Variants in PLS1 observed in about 807,000 individuals in gnomAD.
PLS1 encodes the protein plastin 1.
In PLS1, 32 loss-of-function variants were observed where a neutral mutation model predicts 73.7. That is an observed-to-expected ratio of 0.43 (90% CI 0.33 to 0.58). The LOEUF is 0.58. Ranked by LOEUF, PLS1 falls within the 20% of genes least tolerant of loss-of-function variation. The pLI is 0.04. For missense variants in PLS1, 633 were observed against 740.5 expected (o/e 0.85, Z 1.68); for synonymous variants, 217 against 261.3 (o/e 0.83, Z 1.63).
intron 1 of PLS1, among the ~76,000 whole-genome samples, chr3:142,601,455 A>G (rs907148449): frequency 6.6e-6 from 1 of 152,150 alleles, no homozygotes; most frequent in African/African-American, 2.4e-5. Flanking sequence ...CAGGCACTAT[A>G]CTAAATACAA....
At chr3:142,648,094 GC>G (rs1427922749) in intron 1 of PLS1, among the ~76,000 whole-genome samples, 5 of 152,160 alleles carry the variant, frequency 3.3e-5, no homozygotes, top group Admixed American at 1.3e-4. Context: ...CCATTTGATT[GC>G]CTCCAACACT....
chr3:142,631,664 GAAAAAAAAAAA>G (rs71153981), intron 1 of PLS1, among the ~76,000 whole-genome samples: 50 of 39,450 alleles, frequency 1.3e-3, no homozygotes, highest in South Asian at 3.0e-3. Flanking sequence ...CCTGTCTCTA[GAAAAAAAAAAA>G]AAAAAAAAAA....
chr3:142,618,487 T>A (rs958932718), intron 1 of PLS1, among the ~76,000 whole-genome samples: 1 of 152,214 alleles, frequency 6.6e-6, no homozygotes, highest in Admixed American at 6.5e-5. Context: ...CAGGCTAAAG[T>A]CAACACAGCA....
chr3:142,613,419 G>A (rs985648552), intron 1 of PLS1, among the ~76,000 whole-genome samples: 1 of 152,028 alleles, frequency 6.6e-6, no homozygotes, highest in African/African-American at 2.4e-5. Flanking sequence ...GGAGGTTGCA[G>A]TGAACTGAGA....
chr3:142,667,148 G>A (rs535569537), intron 2 of PLS1, among the ~76,000 whole-genome samples: 25 of 152,312 alleles, frequency 1.6e-4, no homozygotes, highest in African/African-American at 6.0e-4. Flanking sequence ...CGGGTGCGGT[G>A]GCTCACGCCT....
chr3:142,675,518 G>C (rs1185858406), intron 4 of PLS1, among the ~76,000 whole-genome samples: 1 of 152,080 alleles, frequency 6.6e-6, no homozygotes, highest in Non-Finnish European at 1.5e-5. Context: ...AAGTAGCTGG[G>C]ATTACAGGCC....
chr3:142,653,245 T>C (rs1199784970), intron 1 of PLS1, among the ~76,000 whole-genome samples: 1 of 152,224 alleles, frequency 6.6e-6, no homozygotes, highest in East Asian at 1.9e-4. Flanking sequence ...TCTTGTTTTC[T>C]TTTAAACGCA....
rs10631186 is a variant in PLS1, at chr3:142,704,635, A to ATTTTTTTTTTTTT, written c.1629+67_1629+79dup. ...TTTTTTTTTGTAGGTATAGGAAGGA[A>ATTTTTTTTTTTTT]TTTTTTTTTTTTTTTTTTTTTTTTT... is the stretch of plus-strand genomic sequence containing the variant. On this transcript the variant is annotated intron_variant, in intron 14 of 15. Transcript: ENST00000457734. 17 of 261,986 alleles carry ATTTTTTTTTTTTT rather than the reference A, an allele frequency of 6.5e-5. 1 individual carries two copies. Among genetic ancestry groups the ATTTTTTTTTTTTT allele is most frequent in the African/African-American group, 5.8e-4 (12 of 20,662 alleles). The allele number at this position is 261,986 out of a possible 1,614,324, so 16.2% of individuals were successfully genotyped here.
chr3:142,640,578 A>T (rs1383221142), intron 1 of PLS1, among the ~76,000 whole-genome samples: 1 of 152,168 alleles, frequency 6.6e-6, no homozygotes, highest in Admixed American at 6.5e-5. Context: ...ATCTGGAATG[A>T]TTACCAAGAC....
At chr3:142,690,100 G>C (rs1183376091) in intron 10 of PLS1, among the ~76,000 whole-genome samples, 1 of 152,090 alleles carries the variant, frequency 6.6e-6, no homozygotes, top group African/African-American at 2.4e-5. Flanking sequence ...CATGGACAAT[G>C]AATTATCTAT....
intron 1 of PLS1, among the ~76,000 whole-genome samples, chr3:142,641,820 G>C (rs1253242979): frequency 6.6e-6 from 1 of 152,086 alleles, no homozygotes; most frequent in Non-Finnish European, 1.5e-5. Flanking sequence ...ACCTAGGGCA[G>C]CTTTGGGGTT....
Position 142,694,545 on chromosome 3 carries a change from C to T in PLS1, c.1254C>T (p.Tyr418=), listed in dbSNP as rs1203653659. Residue 418 remains tyrosine, a splice_region_variant and synonymous_variant, in exon 11 of 16, where the codon TAC becomes TAT. Coordinates refer to ENST00000457734, the MANE Select transcript of PLS1 (RefSeq NM_001145319.2). ...LGVNPYINHL[Y]SDLADALVIF... The stretch of plus-strand genomic sequence containing the variant: ...TCAACCCATACATTAATCATTTGTA[C>T]AGGTAAATATTTTATTGTGCTTCAG... 6.4e-7 allele frequency: 1 copy of T among 1,555,658 alleles called. No individual in the cohort carries two copies. The highest frequency in any genetic ancestry group is 8.9e-7 in the Non-Finnish European group (1 of 1,127,694).
At chr3:142,689,339 C>A (rs1255026028) in intron 9 of PLS1, among the ~76,000 whole-genome samples, 1 of 152,016 alleles carries the variant, frequency 6.6e-6, no homozygotes, top group Non-Finnish European at 1.5e-5. Flanking sequence ...AGGAGAATCA[C>A]TTGAACCTAA....
intron 1 of PLS1, among the ~76,000 whole-genome samples, chr3:142,621,067 T>C (rs1253390336): frequency 6.6e-6 from 1 of 152,084 alleles, no homozygotes; most frequent in Non-Finnish European, 1.5e-5. Context: ...CACCATACAC[T>C]TGGCCCTGAT....
At position 142,712,056 on chromosome 3, in the gene PLS1, GT is replaced by G; in HGVS notation, c.*52del. 6.5e-7 allele frequency: 1 copy of G among 1,536,226 alleles called. No homozygotes were observed. The highest frequency in any genetic ancestry group is 9.0e-7 in the Non-Finnish European group (1 of 1,111,432). On this transcript the variant is annotated 3_prime_UTR_variant, in exon 16 of 16. Coordinates refer to ENST00000457734, the MANE Select transcript of PLS1 (RefSeq NM_001145319.2). Reference sequence around the variant, plus strand: ...CATTAAACATATTGTATGCCTCACAGTTTACAGGATTCTGAAATGTAGTGGG... The same window carrying G: ...CATTAAACATATTGTATGCCTCACAGTTACAGGATTCTGAAATGTAGTGGG...
chr3:142,669,596 G>C, intron 3 of PLS1, 43 bp downstream of exon 3: 7 of 1,449,094 alleles, frequency 4.8e-6, no homozygotes, highest in Non-Finnish European at 6.7e-6. Context: ...ATCTTGCTTA[G>C]AGCAGAATTG....
intron 14 of PLS1, among the ~76,000 whole-genome samples, chr3:142,706,004 T>C (rs958354027): frequency 1.3e-5 from 2 of 152,334 alleles, no homozygotes; most frequent in Non-Finnish European, 2.9e-5. Flanking sequence ...GGGGATTGTA[T>C]TATAAAATTC....
intron 1 of PLS1, among the ~76,000 whole-genome samples, chr3:142,633,486 T>C (rs1164776337): frequency 6.6e-6 from 1 of 152,006 alleles, no homozygotes; most frequent in Non-Finnish European, 1.5e-5. Context: ...TGAAACTCTG[T>C]CTCTACTAAA....
chr3:142,707,943 T>G (rs1158565143), intron 14 of PLS1, among the ~76,000 whole-genome samples: 5 of 152,214 alleles, frequency 3.3e-5, no homozygotes, highest in Non-Finnish European at 5.9e-5. Flanking sequence ...TGGCTCAGCA[T>G]TTAGTATCTG....
Sources: gnomAD v4.1 joint callset for allele counts (sites outside exome capture counted in the v4.1 genomes callset) on GRCh38, gnomAD v4.1.1 for gene constraint, MANE v1.5 for transcripts, NCBI Gene and HGNC (gene_info 2026-07-23, HGNC 2026-07-21) for gene names.